The following AFF3 variants were observed in gnomAD, a reference collection of about 807,000 sequenced individuals.
The protein encoded by AFF3 is AF4/FMR2 family member 3.
A neutral mutation model predicts 129.7 loss-of-function variants in AFF3; 32 were observed. That is an observed-to-expected ratio of 0.25 (90% CI 0.19 to 0.33). The LOEUF (loss-of-function observed/expected upper bound fraction) is 0.33. Ranked by LOEUF, AFF3 falls within the 10% of genes least tolerant of loss-of-function variation. The pLI is 1.00. For missense variants in AFF3, 1,373 were observed against 1,592.0 expected (o/e 0.86, Z 2.34); for synonymous variants, 644 against 635.4 (o/e 1.01, Z -0.20).
chr2:100,031,249 T>C (rs955534176), intron 4 of AFF3, among the ~76,000 whole-genome samples: 2 of 152,170 alleles, frequency 1.3e-5, no homozygotes, highest in Non-Finnish European at 1.5e-5. Context: ...GAATTAAAGA[T>C]GTAAGTAAAT....
At chr2:99,818,084 G>A (rs1558879578) in intron 8 of AFF3, among the ~76,000 whole-genome samples, 1 of 152,102 alleles carries the variant, frequency 6.6e-6, no homozygotes, top group Non-Finnish European at 1.5e-5. Flanking sequence ...AATACAGGTT[G>A]AGCATACCAA....
intron 7 of AFF3, among the ~76,000 whole-genome samples, chr2:99,947,710 T>C (rs1675772419): frequency 6.6e-6 from 1 of 151,520 alleles, no homozygotes; most frequent in South Asian, 2.1e-4. Context: ...AGTGAATACA[T>C]TACAGGAAGT....
intron 7 of AFF3, among the ~76,000 whole-genome samples, chr2:99,947,489 A>AAAAGAAAAAGAAAG (rs1248455161): frequency 1.3e-5 from 2 of 151,090 alleles, no homozygotes; most frequent in Non-Finnish European, 2.9e-5. Context: ...GACAGACAGA[A>AAAAGAAAAAGAAAG]AAAGAAAAAG....
chr2:99,574,901 T>G (rs1490621452), intron 18 of AFF3, among the ~76,000 whole-genome samples: 1 of 152,138 alleles, frequency 6.6e-6, no homozygotes, highest in African/African-American at 2.4e-5. Context: ...CTCTTCACCC[T>G]CGGTGAAGAG....
Position 99,672,574 on chromosome 2 carries a change from G to T in AFF3, c.1107C>A (p.Asp369Glu). 1 of 1,614,070 alleles carries T rather than the reference G, an allele frequency of 6.2e-7. No homozygotes were observed. The highest frequency in any genetic ancestry group is 8.5e-7 in the Non-Finnish European group (1 of 1,179,980). ...GTSNTSMLED[D>E]LKLSSDEEEN... ...CCTCTTCATCACTGCTTAGCTTAAG[G>T]TCATCTTCCAGCATTCTGAAAGAAG... The change falls in exon 12 of 25, where the codon GAC becomes GAA. Residue 369 changes from aspartate (D) to glutamate (E), a missense_variant. By Grantham distance (45) the Asp-to-Glu change is conservative. Transcript: ENST00000672756.
chr2:99,588,528 G>A (rs933656967), intron 15 of AFF3, among the ~76,000 whole-genome samples: 2 of 152,154 alleles, frequency 1.3e-5, no homozygotes, highest in Non-Finnish European at 2.9e-5. Context: ...TATTCAGAAA[G>A]TACCATTTTC....
At chr2:99,877,574 C>A (rs865888235) in intron 7 of AFF3, among the ~76,000 whole-genome samples, 18 of 152,262 alleles carry the variant, frequency 1.2e-4, no homozygotes, top group African/African-American at 3.9e-4. Flanking sequence ...TATTAAAGAC[C>A]ATCATTCTAT....
chr2:99,874,433 T>C (rs1239584720), intron 7 of AFF3, among the ~76,000 whole-genome samples: 2 of 152,200 alleles, frequency 1.3e-5, no homozygotes, highest in Non-Finnish European at 2.9e-5. Context: ...TGGTTCAACG[T>C]GGTTTTCAAA....
chr2:99,582,714 C>A, intron 17 of AFF3, 84 bp downstream of exon 17: 1 of 1,459,784 alleles, frequency 6.9e-7, no homozygotes. Flanking sequence ...AGCATGTGTT[C>A]AGACTGTGCT....
At chr2:100,115,984 T>C (rs13011181) in intron 2 of AFF3, among the ~76,000 whole-genome samples, 30,863 of 152,086 alleles carry the variant, frequency 0.2, 4,021 homozygotes, top group East Asian at 0.58. Flanking sequence ...TTCTTATAAT[T>C]TTTTTCAAGT....
intron 4 of AFF3, among the ~76,000 whole-genome samples, chr2:100,054,580 C>T (rs186443196): frequency 2.2e-4 from 33 of 152,324 alleles, no homozygotes; most frequent in Non-Finnish European, 4.1e-4. Context: ...GGAACTCACA[C>T]CACTGGCTCT....
chr2:99,978,968 C>T lies in AFF3; in HGVS notation c.873+27664G>A, dbSNP rs561723047. 2.0e-4 allele frequency among the ~76,000 whole-genome samples: 29 copies of T among 143,106 alleles called. No individual in the cohort carries two copies. In the South Asian group the frequency reaches 6.0e-3, roughly 29 times the overall value. The allele number at this position is 143,106 out of a possible 152,430, so 93.9% of individuals were successfully genotyped here. A position where few individuals can be genotyped will look rare whatever the true frequency, so the allele number is the denominator to read the frequency against. On this transcript the variant is annotated intron_variant, in intron 7 of 24. Transcript: ENST00000672756. Reference sequence around the variant, plus strand: ...CAGCAGCCCACATAAACTAAGACAGCAACTAACAGGATCAAAGGCAGGTGG... The same window carrying T: ...CAGCAGCCCACATAAACTAAGACAGTAACTAACAGGATCAAAGGCAGGTGG...
chr2:100,038,132 G>A (rs1410273486), intron 4 of AFF3, among the ~76,000 whole-genome samples: 3 of 152,002 alleles, frequency 2.0e-5, no homozygotes, highest in African/African-American at 7.2e-5. Context: ...AGACACTGCA[G>A]CCATCAGTCC....
chr2:100,121,227 C>T (rs1559135615), intron 2 of AFF3, among the ~76,000 whole-genome samples: 1 of 152,192 alleles, frequency 6.6e-6, no homozygotes, highest in Non-Finnish European at 1.5e-5. Flanking sequence ...GCCCACCATC[C>T]AGTGCCCATA....
At chr2:100,037,479 TTA>T (rs1685024185) in intron 4 of AFF3, among the ~76,000 whole-genome samples, 1 of 99,708 alleles carries the variant, frequency 1.0e-5, no homozygotes, top group African/African-American at 4.0e-5. Context: ...TATTTATATT[TTA>T]TATATTATTT....
chr2:99,865,965 G>A (rs372387514), intron 7 of AFF3, among the ~76,000 whole-genome samples: 76 of 152,338 alleles, frequency 5.0e-4, no homozygotes, highest in African/African-American at 1.8e-3. Flanking sequence ...CTCCTACGAT[G>A]TGTCAGCCAT....
chr2:99,926,426 T>C (rs974046439), intron 7 of AFF3, among the ~76,000 whole-genome samples: 3 of 152,208 alleles, frequency 2.0e-5, no homozygotes, highest in African/African-American at 7.2e-5. Flanking sequence ...TGGATGCTAC[T>C]GTTTAAAGAT....
chr2:99,915,354 A>G (rs142968607), intron 7 of AFF3, among the ~76,000 whole-genome samples: 1 of 152,196 alleles, frequency 6.6e-6, no homozygotes, highest in African/African-American at 2.4e-5. Flanking sequence ...TTTAAGACAC[A>G]TACAGGAAAC....
At chr2:100,086,620 T>C (rs950595552) in intron 4 of AFF3, among the ~76,000 whole-genome samples, 4 of 152,146 alleles carry the variant, frequency 2.6e-5, no homozygotes, top group Non-Finnish European at 5.9e-5. Flanking sequence ...GACAGTGGGG[T>C]GATCCAGGTA....
Sources: allele counts gnomAD v4.1 joint callset (sites outside exome capture counted in the v4.1 genomes callset), GRCh38; gene constraint gnomAD v4.1.1; transcripts MANE v1.5; gene names NCBI Gene and HGNC (gene_info 2026-07-23, HGNC 2026-07-21).